The following EXOC6B variants were observed in gnomAD, a reference collection of about 807,000 sequenced individuals.
The protein encoded by EXOC6B is SEC15 homolog B.
In EXOC6B, 54 loss-of-function variants were observed where a neutral mutation model predicts 113.5. The ratio of observed to expected loss-of-function variants is 0.48; its 90% CI spans 0.38 to 0.60. The LOEUF (loss-of-function observed/expected upper bound fraction) is 0.60, where lower values mean the gene tolerates loss of function less well. Ranked by LOEUF, EXOC6B falls within the 20% of genes least tolerant of loss-of-function variation. The pLI is 0.00. For missense variants in EXOC6B, 797 were observed against 977.5 expected (o/e 0.82, Z 2.46); for synonymous variants, 357 against 339.0 (o/e 1.05, Z -0.58).
intron 19 of EXOC6B, among the ~76,000 whole-genome samples, chr2:72,344,432 G>C (rs570077421): frequency 4.0e-5 from 6 of 151,756 alleles, no homozygotes; most frequent in Admixed American, 2.0e-4. Context: ...TCTTTTCCAG[G>C]AGCAGTTTCT....
chr2:72,540,245 G>A (rs1457547869), intron 8 of EXOC6B, among the ~76,000 whole-genome samples: 3 of 151,798 alleles, frequency 2.0e-5, no homozygotes, highest in Non-Finnish European at 2.9e-5. Context: ...GAACAGTGCC[G>A]CAATAAACAT....
At chr2:72,183,023 A>G (rs986872690) in intron 21 of EXOC6B, 6 of 518,280 alleles carry the variant, frequency 1.2e-5, no homozygotes, top group African/African-American at 3.9e-5. Flanking sequence ...CTTGGCTCCA[A>G]ATACATACAC....
At chr2:72,576,355 T>C (rs1704853611) in intron 6 of EXOC6B, among the ~76,000 whole-genome samples, 1 of 151,658 alleles carries the variant, frequency 6.6e-6, no homozygotes, top group Admixed American at 6.6e-5. Flanking sequence ...TAAAAAAAAA[T>C]AGACTGACAT....
chr2:72,652,101 C>T (rs1674210129), intron 6 of EXOC6B, among the ~76,000 whole-genome samples: 1 of 151,324 alleles, frequency 6.6e-6, no homozygotes, highest in African/African-American at 2.4e-5. Flanking sequence ...TCCTAAATTT[C>T]TATAAAATAA....
At chr2:72,635,263 A>G (rs1200677466) in intron 6 of EXOC6B, among the ~76,000 whole-genome samples, 2 of 152,170 alleles carry the variant, frequency 1.3e-5, no homozygotes, top group African/African-American at 2.4e-5. Context: ...GAGAAAATCA[A>G]TGAAACAAAA....
intron 19 of EXOC6B, among the ~76,000 whole-genome samples, chr2:72,341,074 T>C (rs1447874831): frequency 2.0e-5 from 3 of 152,182 alleles, no homozygotes; most frequent in Non-Finnish European, 4.4e-5. Context: ...TGTCTAAGTA[T>C]GCTTGTATGG....
rs528737226 is a variant in EXOC6B at position 72,296,246 on chromosome 2, C to A, written c.2196+38701G>T. ...AAGTTTCTAATGTGATATAGTATGA[C>A]CTCGCTGAAATAGTACCTTGATATG... On this transcript the variant is annotated intron_variant, in intron 20 of 21. Transcript: ENST00000272427. Among the ~76,000 whole-genome samples, 3 of 152,128 alleles carry A rather than the reference C, an allele frequency of 2.0e-5. No individual in the cohort carries two copies. In the East Asian group the frequency reaches 5.8e-4, roughly 29 times the overall value.
intron 6 of EXOC6B, among the ~76,000 whole-genome samples, chr2:72,711,077 C>T (rs1679245206): frequency 6.6e-6 from 1 of 152,128 alleles, no homozygotes; most frequent in Admixed American, 6.6e-5. Flanking sequence ...ATAAGAAATA[C>T]AGATCTTCTC....
At chr2:72,722,172 G>A (rs755496464) in intron 5 of EXOC6B, among the ~76,000 whole-genome samples, 14 of 151,860 alleles carry the variant, frequency 9.2e-5, no homozygotes, top group Non-Finnish European at 1.5e-4. Flanking sequence ...ATACAAAAAT[G>A]TTAGGCATAT....
At chr2:72,291,052 T>C (rs1685755185) in intron 20 of EXOC6B, among the ~76,000 whole-genome samples, 1 of 152,212 alleles carries the variant, frequency 6.6e-6, no homozygotes, top group Admixed American at 6.5e-5. Context: ...GAGATTACAA[T>C]TACTGTAAAT....
intron 18 of EXOC6B, among the ~76,000 whole-genome samples, chr2:72,450,530 T>A (rs183482071): frequency 6.6e-6 from 1 of 152,108 alleles, no homozygotes; most frequent in Non-Finnish European, 1.5e-5. Context: ...ATAAGACAAG[T>A]AGATATTCAT....
At chr2:72,322,486 G>A (rs1372580519) in intron 20 of EXOC6B, among the ~76,000 whole-genome samples, 1 of 152,256 alleles carries the variant, frequency 6.6e-6, no homozygotes, top group East Asian at 1.9e-4. Flanking sequence ...AATGTTCTTG[G>A]TTGTGGTGGT....
chr2:72,601,759 T>C (rs1227949488), intron 6 of EXOC6B, among the ~76,000 whole-genome samples: 3 of 152,162 alleles, frequency 2.0e-5, no homozygotes, highest in Non-Finnish European at 2.9e-5. Flanking sequence ...GGCCAAACCT[T>C]AGAAGCACCA....
intron 17 of EXOC6B, among the ~76,000 whole-genome samples, chr2:72,478,451 A>T (rs963344158): frequency 1.3e-5 from 2 of 152,246 alleles, no homozygotes; most frequent in African/African-American, 4.8e-5. Context: ...TGTAGCTGTT[A>T]TAATTGCCAT....
At chr2:72,553,833 C>G (rs1025690915) in intron 8 of EXOC6B, among the ~76,000 whole-genome samples, 1 of 152,042 alleles carries the variant, frequency 6.6e-6, no homozygotes, top group South Asian at 2.1e-4. Context: ...TATGTCTGAA[C>G]AGGATCTAGT....
At chr2:72,755,344 C>T (rs558982091) in intron 1 of EXOC6B, among the ~76,000 whole-genome samples, 33 of 152,122 alleles carry the variant, frequency 2.2e-4, no homozygotes, top group Non-Finnish European at 2.8e-4. Flanking sequence ...AAGGGTACTA[C>T]GGTGAACACT....
intron 20 of EXOC6B, among the ~76,000 whole-genome samples, chr2:72,297,337 G>A (rs552155950): frequency 1.3e-5 from 2 of 151,862 alleles, no homozygotes; most frequent in African/African-American, 4.8e-5. Flanking sequence ...TTTTTTTCCT[G>A]TTCCTCTCCC....
Position 72,571,998 on chromosome 2 carries a change from A to G in EXOC6B, c.846+3494T>C, listed in dbSNP as rs570352619. Among the ~76,000 whole-genome samples, 11 of 152,346 alleles carry G rather than the reference A, an allele frequency of 7.2e-5. No individual in the cohort carries two copies. In the East Asian group the frequency reaches 2.1e-3, roughly 29 times the overall value. ...AGGGTAAAAAGTTCTTCACAGAGTA[A>G]AGAAAGTACCTAAACTTGTTAAACT... On this transcript the variant is annotated intron_variant, in intron 7 of 21. Transcript: ENST00000272427.
chr2:72,737,353 T>TA (rs111253259), intron 2 of EXOC6B, among the ~76,000 whole-genome samples: 47 of 143,678 alleles, frequency 3.3e-4, no homozygotes, highest in South Asian at 6.7e-4. Context: ...CAAAAAAAAT[T>TA]AAAAAAAAAA....
Sources: allele counts gnomAD v4.1 joint callset (sites outside exome capture counted in the v4.1 genomes callset), GRCh38; gene constraint gnomAD v4.1.1; transcripts MANE v1.5; gene names NCBI Gene and HGNC (gene_info 2026-07-23, HGNC 2026-07-21).